DDO: variants seen among roughly 807,000 people sequenced by gnomAD.
DDO encodes D-aspartate oxidase, DDO.
A neutral mutation model predicts 16.8 loss-of-function variants in DDO; 16 were observed. That is an observed-to-expected ratio of 0.95 (90% confidence interval 0.65 to 1.45). The LOEUF (loss-of-function observed/expected upper bound fraction) is 1.45, where lower values mean the gene tolerates loss of function less well. Among genes scored for constraint, DDO ranks in the 40% most tolerant of loss-of-function variants. The pLI is 0.00. For synonymous variants in DDO, 180 were observed against 167.2 expected (o/e 1.08, Z -0.59); for missense variants, 429 against 420.3 (o/e 1.02, Z -0.18).
At chr6:110,407,328 A>G (rs1416544696) in intron 3 of DDO, among the ~76,000 whole-genome samples, 1 of 152,234 alleles carries the variant, frequency 6.6e-6, no homozygotes, top group Admixed American at 6.5e-5. Flanking sequence ...ATACAGAAGA[A>G]TCAATCCATA....
chr6:110,394,393 C>T (rs1235547098), intron 4 of DDO, among the ~76,000 whole-genome samples: 2 of 152,184 alleles, frequency 1.3e-5, no homozygotes, highest in Admixed American at 6.5e-5. Context: ...AGGCATGAGC[C>T]ACCGTGCCTG....
chr6:110,402,525 C>T (rs571253165), intron 4 of DDO, among the ~76,000 whole-genome samples: 21 of 152,092 alleles, frequency 1.4e-4, no homozygotes, highest in Admixed American at 1.1e-3. Flanking sequence ...ATTAGCTGGG[C>T]GTGGTGGCAG....
rs550817693 is a variant in DDO, at chr6:110,393,294, C to T, written c.507G>A (p.Leu169=). 6 of 1,612,274 alleles carry T rather than the reference C, an allele frequency of 3.7e-6. No homozygotes were observed. In the Admixed American group the frequency reaches 6.7e-5, roughly 18 times the overall value. ...GWTLTRRIED[L]WELHPSFDIV... ...TGTCAAAGGACGGATGAAGTTCCCA[C>T]AGGTCTTCTATTCGCCGAGTGAGTG... Residue 169 remains leucine (L), a synonymous_variant, in exon 5 of 5, where the codon CTG becomes CTA. Coordinates refer to ENST00000368924, the MANE Select transcript of DDO (RefSeq NM_001372108.2).
At chr6:110,409,220 G>A (rs528463915) in intron 2 of DDO, among the ~76,000 whole-genome samples, 23 of 152,348 alleles carry the variant, frequency 1.5e-4, no homozygotes, top group South Asian at 2.1e-4. Context: ...AAGAGGCAGC[G>A]TTTAAGCCTC....
intron 4 of DDO, among the ~76,000 whole-genome samples, chr6:110,400,662 T>C (rs1026677736): frequency 6.6e-6 from 1 of 152,228 alleles, no homozygotes; most frequent in African/African-American, 2.4e-5. Flanking sequence ...CAGGAGGAGT[T>C]AAGCATTTGC....
rs757805444 is a variant in DDO at position 110,408,334 on chromosome 6, C to A, written c.281G>T (p.Gly94Val). The stretch of plus-strand genomic sequence containing the variant: ...AATAACTTCAAATTTCTTCACTTAC[C>A]CTGATACCAAATGAACACCAGCATC... ...AGDAGVHLVS[G>V]WQIFQSTPTE... The change falls in exon 3 of 5, where the codon GGT becomes GTT. Residue 94 changes from glycine (G) to valine (V), a missense_variant and splice_region_variant. Gly to Val is a moderately radical substitution (Grantham distance 109). Transcript: ENST00000368924. 3.1e-6 allele frequency: 5 copies of A among 1,613,582 alleles called. No individual in the cohort carries two copies. Among genetic ancestry groups the A allele is most frequent in the Non-Finnish European group, 4.2e-6 (5 of 1,179,618 alleles).
chr6:110,403,716 A>G (rs1007141567), intron 4 of DDO, among the ~76,000 whole-genome samples: 1 of 152,218 alleles, frequency 6.6e-6, no homozygotes, highest in African/African-American at 2.4e-5. Flanking sequence ...TTCTGCTCCC[A>G]TTCTAACCTG....
intron 4 of DDO, among the ~76,000 whole-genome samples, chr6:110,401,088 G>A (rs1562261401): frequency 6.6e-6 from 1 of 152,228 alleles, no homozygotes; most frequent in Admixed American, 6.5e-5. Flanking sequence ...TGTCTTCAGG[G>A]AAGATATGGA....
At chr6:110,400,892 G>T (rs1773465588) in intron 4 of DDO, among the ~76,000 whole-genome samples, 1 of 152,176 alleles carries the variant, frequency 6.6e-6, no homozygotes. Context: ...TCTTCTTGAG[G>T]CAGTGAGTGT....
chr6:110,399,709 G>C (rs1161913862), intron 4 of DDO, among the ~76,000 whole-genome samples: 1 of 152,212 alleles, frequency 6.6e-6, no homozygotes, highest in Non-Finnish European at 1.5e-5. Flanking sequence ...CATGGCCAGG[G>C]GCCACCGGGC....
intron 3 of DDO, among the ~76,000 whole-genome samples, chr6:110,406,599 T>G (rs1773664789): frequency 6.6e-6 from 1 of 152,248 alleles, no homozygotes; most frequent in African/African-American, 2.4e-5. Flanking sequence ...CACTTCACTG[T>G]GTAAACTCCC....
At chr6:110,390,357 G>T (rs1773079378), downstream of DDO, among the ~76,000 whole-genome samples, 1 of 152,216 alleles carries the variant, frequency 6.6e-6, no homozygotes, top group Non-Finnish European at 1.5e-5. Context: ...GCAGGCCTGG[G>T]CATCAACATT....
intron 3 of DDO, among the ~76,000 whole-genome samples, chr6:110,407,673 T>A (rs1347424196): frequency 6.6e-6 from 1 of 152,216 alleles, no homozygotes; most frequent in Non-Finnish European, 1.5e-5. Context: ...GATAGAATAT[T>A]AAGTGATCTC....
chr6:110,410,749 G>A lies in DDO; in HGVS notation c.173-2307C>T, dbSNP rs186622404. The stretch of plus-strand genomic sequence containing the variant: ...TCCCACCAGGTTCCTCCCACGACAC[G>A]TAGGGATTATGGGAACTACAATGCA... On this transcript the variant is annotated intron_variant, in intron 2 of 4. Transcript: ENST00000368924. Among the ~76,000 whole-genome samples, 299 of 152,222 alleles carry A rather than the reference G, an allele frequency of 2.0e-3. 1 individual carries two copies. Among genetic ancestry groups the A allele is most frequent in the African/African-American group, 6.0e-3 (248 of 41,540 alleles).
chr6:110,392,379 A>T lies in DDO; in HGVS notation c.*396T>A. 1 of 990,668 alleles carries T rather than the reference A, an allele frequency of 1.0e-6. No individual in the cohort carries two copies. The highest frequency in any genetic ancestry group is 1.2e-6 in the Non-Finnish European group (1 of 833,806). The allele number at this position is 990,668 out of a possible 1,614,324, so 61.4% of individuals were successfully genotyped here. On this transcript the variant is annotated 3_prime_UTR_variant, in exon 5 of 5. Transcript: ENST00000368924. ...TATAAATCTGCATAGGTCCTTGGAC[A>T]TCAGTTCTAAATAAATTTTACTCTA...
chr6:110,398,156 G>A (rs1418326756), intron 4 of DDO, among the ~76,000 whole-genome samples: 1 of 152,042 alleles, frequency 6.6e-6, no homozygotes, highest in Non-Finnish European at 1.5e-5. Flanking sequence ...CAGGGCTCAC[G>A]AAATAGCCCC....
At chr6:110,409,258 G>A (rs750780858) in intron 2 of DDO, among the ~76,000 whole-genome samples, 9 of 152,244 alleles carry the variant, frequency 5.9e-5, no homozygotes, top group Non-Finnish European at 1.2e-4. Context: ...TAGGCACAGA[G>A]ACGGCAGGAA....
At chr6:110,402,459 G>T (rs1398086392) in intron 4 of DDO, among the ~76,000 whole-genome samples, 1 of 152,166 alleles carries the variant, frequency 6.6e-6, no homozygotes, top group Non-Finnish European at 1.5e-5. Context: ...GAGGTCAGGA[G>T]TTCGAGACCA....
At position 110,392,843 on chromosome 6, in the gene DDO, C is replaced by T; in HGVS notation, c.958G>A (p.Glu320Lys). 6.2e-7 allele frequency: 1 copy of T among 1,613,416 alleles called. No homozygotes were observed. The highest frequency in any genetic ancestry group is 8.5e-7 in the Non-Finnish European group (1 of 1,179,578). ...CACTCGCTCACCAGCCTGGCGGCCT[C>T]CAGAGCAGTGCCCCAGTGCACTGAG... ...GISVHWGTAL[E>K]AARLVSECVH... Residue 320 changes from glutamate (E) to lysine (K), a missense_variant, in exon 5 of 5, where the codon GAG becomes AAG. Transcript: ENST00000368924.
Sources: gnomAD v4.1 joint callset for allele counts (sites outside exome capture counted in the v4.1 genomes callset) on GRCh38, gnomAD v4.1.1 for gene constraint, MANE v1.5 for transcripts, NCBI Gene and HGNC (gene_info 2026-07-23, HGNC 2026-07-21) for gene names.